SNX19: variants seen among roughly 807,000 people sequenced by gnomAD.
SNX19 encodes the protein sorting nexin 19.
In SNX19, 60 loss-of-function variants were observed where a neutral mutation model predicts 85.2. The ratio of observed to expected loss-of-function variants is 0.70; its 90% CI spans 0.57 to 0.87. The LOEUF (loss-of-function observed/expected upper bound fraction) is 0.87. SNX19 is among the 40% of genes least tolerant of loss of function. The pLI, the probability that SNX19 is intolerant of heterozygous loss-of-function variation, is 0.00. For missense variants in SNX19, 1,201 were observed against 1,217.8 expected (o/e 0.99, Z 0.21); for synonymous variants, 520 against 470.0 (o/e 1.11, Z -1.38).
chr11:130,884,114 T>G (rs1272968122), intron 8 of SNX19, among the ~76,000 whole-genome samples: 1 of 152,196 alleles, frequency 6.6e-6, no homozygotes, highest in Non-Finnish European at 1.5e-5. Context: ...TCCTCTCCCT[T>G]TCATCCCTAC....
In SNX19 at chr11:130,915,824, A is replaced by C; in HGVS notation, c.116T>G (p.Leu39Arg). The change falls in exon 1 of 11, where the codon CTC becomes CGC. Residue 39 changes from leucine (L) to arginine (R), a missense_variant. Transcript: ENST00000265909. ...LMAVGVLLGW[L>R]LVIHLLVNVW... ...GTTGACCAGAAGGTGTATGACCAGG[A>C]GCCAGCCAAGCAAGACCCCCACAGC... The C allele has an allele frequency of 6.2e-7, 1 of 1,614,186 alleles. No homozygotes were observed. The highest frequency in any genetic ancestry group is 8.5e-7 in the Non-Finnish European group (1 of 1,180,036).
In SNX19 at chr11:130,875,282, T is replaced by C. The variant is rs1452702342; in HGVS notation, c.*3140A>G. Reference sequence around the variant, plus strand: ...GACAAACACTGCATGATTCCACTTATATGAGGCGTTCAAAGTAGTCAAACT... The same window carrying C: ...GACAAACACTGCATGATTCCACTTACATGAGGCGTTCAAAGTAGTCAAACT... On this transcript the variant is annotated 3_prime_UTR_variant, in exon 11 of 11. Coordinates refer to ENST00000265909, the MANE Select transcript of SNX19 (RefSeq NM_014758.3). 2.0e-5 allele frequency among the ~76,000 whole-genome samples: 3 copies of C among 152,206 alleles called. No individual in the cohort carries two copies. Among genetic ancestry groups the C allele is most frequent in the Non-Finnish European group, 4.4e-5 (3 of 68,038 alleles).
rs554205495 is a variant in SNX19, at chr11:130,875,436, C to G, written c.*2986G>C. On this transcript the variant is annotated 3_prime_UTR_variant, in exon 11 of 11. Coordinates refer to ENST00000265909, the MANE Select transcript of SNX19 (RefSeq NM_014758.3). Reference sequence around the variant, plus strand: ...ACTTGTAGCAGTCTGCTACAAAGCACTGTGCTGCTTCTAGTTAATAATGTA... The same window carrying G: ...ACTTGTAGCAGTCTGCTACAAAGCAGTGTGCTGCTTCTAGTTAATAATGTA... The G allele has an allele frequency of 1.3e-5, 2 of 152,304 alleles. No individual in the cohort carries two copies. The highest frequency in any genetic ancestry group is 3.9e-4 in the East Asian group (2 of 5,186). The allele number at this position is 152,304 out of a possible 1,614,324, so 9.4% of individuals were successfully genotyped here.
rs1942812413 is a variant in SNX19 at position 130,867,390 on chromosome 11, T to C, written c.*11032A>G. On this transcript the variant is annotated 3_prime_UTR_variant, in exon 11 of 11. Transcript: ENST00000265909. ...GGGACATGAACATAAAAGTGCAACC[T>C]AGATGATCAGTGCCACCACCATCCT... 1 of 152,174 alleles carries C rather than the reference T, an allele frequency of 6.6e-6. No individual in the cohort carries two copies. The highest frequency in any genetic ancestry group is 1.5e-5 in the Non-Finnish European group (1 of 68,040). The allele number at this position is 152,174 out of a possible 1,614,324, so 9.4% of individuals were successfully genotyped here.
Position 130,916,443 on chromosome 11 carries a change from G to A in SNX19, c.-504C>T, listed in dbSNP as rs1327065413. 6.6e-6 allele frequency: 1 copy of A among 152,632 alleles called. No individual in the cohort carries two copies. The highest frequency in any genetic ancestry group is 1.9e-4 in the East Asian group (1 of 5,194). 9.5% of individuals were successfully genotyped at this position (152,632 alleles called of 1,614,324 possible). ...GACTGCGCTCCGCAGCCGGGCCTGT[G>A]TGAAGGCTGACCGCCGGCCGGCCGC... On this transcript the variant is annotated 5_prime_UTR_variant, in exon 1 of 11. Transcript: ENST00000265909.
chr11:130,890,764 T>C (rs986970776), intron 8 of SNX19, among the ~76,000 whole-genome samples: 3 of 152,178 alleles, frequency 2.0e-5, no homozygotes, highest in Non-Finnish European at 4.4e-5. Context: ...CCTCTCATAA[T>C]TGATAAATCC....
chr11:130,909,000 T>A (rs756418029), intron 4 of SNX19, among the ~76,000 whole-genome samples: 1 of 152,148 alleles, frequency 6.6e-6, no homozygotes, highest in Non-Finnish European at 1.5e-5. Flanking sequence ...CAGTAAAGAC[T>A]GGGGGAGAAC....
rs1946509200 is a variant in SNX19 at position 130,915,568 on chromosome 11, C to A, written c.372G>T (p.Glu124Asp). 1 of 1,614,116 alleles carries A rather than the reference C, an allele frequency of 6.2e-7. No individual in the cohort carries two copies. The highest frequency in any genetic ancestry group is 1.7e-5 in the Admixed American group (1 of 60,014). ...CCTCCATTTCTTCCTCAAAGGCTGG[C>A]TCCTGGCTCACGGAACGGTACCAAG... ...VLSWYRSVSQEPAFEEEMEAA... is the reference protein window; with the variant it reads ...VLSWYRSVSQDPAFEEEMEAA... Residue 124 changes from glutamate to aspartate, a missense_variant, in exon 1 of 11, where the codon GAG becomes GAT. By Grantham distance (45) the Glu-to-Asp change is conservative. This residue lies in a region of SNX19 where 791 missense variants were observed against 750.9 expected (regional missense o/e 1.05). Transcript: ENST00000265909.
At chr11:130,900,976 C>T (rs1307477245) in intron 8 of SNX19, among the ~76,000 whole-genome samples, 4 of 152,126 alleles carry the variant, frequency 2.6e-5, no homozygotes, top group Non-Finnish European at 4.4e-5. Context: ...TATGTCCAGG[C>T]CCTGTATAAG....
rs1457860661 is a variant in SNX19 at position 130,873,587 on chromosome 11, T to TG, written c.*4834dup. Among the ~76,000 whole-genome samples the TG allele has an allele frequency of 1.3e-5, 2 of 151,444 alleles. No individual in the cohort carries two copies. The highest frequency in any genetic ancestry group is 4.8e-5 in the African/African-American group (2 of 41,242). On this transcript the variant is annotated 3_prime_UTR_variant, in exon 11 of 11. Transcript: ENST00000265909. ...TGCCTCATGTTCCCCACCTAGAAAA[T>TG]GGGGATATATTAGATTGGTGCAAAA...
intron 4 of SNX19, chr11:130,908,354 TA>T (rs1945836265): frequency 3.8e-6 from 1 of 264,496 alleles, no homozygotes; most frequent in South Asian, 1.2e-4. Flanking sequence ...GTGAGAGAAA[TA>T]AAAACCTGAG....
rs1482078389 is a variant in SNX19, at chr11:130,876,653, CTCA to C, written c.*1766_*1768del. 1.3e-5 allele frequency: 2 copies of C among 152,640 alleles called. No individual in the cohort carries two copies. Among genetic ancestry groups the C allele is most frequent in the East Asian group, 1.9e-4 (1 of 5,180 alleles). 9.5% of individuals were successfully genotyped at this position (152,640 alleles called of 1,614,324 possible). ...CATAAAACAAGGCTGTCCCCCTATG[CTCA>C]TCGAGAATAGGATCTTAGCCCTCAC... On this transcript the variant is annotated 3_prime_UTR_variant, in exon 11 of 11. Coordinates refer to ENST00000265909, the MANE Select transcript of SNX19 (RefSeq NM_014758.3).
chr11:130,914,407 G>A lies in SNX19; in HGVS notation c.1533C>T (p.Leu511=), dbSNP rs771597578. Residue 511 remains leucine, a synonymous_variant, in exon 1 of 11, where the codon CTC becomes CTT. Transcript: ENST00000265909. ...GCTCAAAGCTGAAGGTGGCTGAGCTGAGAGGACCAGGTGGAGAGGAGGAAA... is the reference window on the plus strand; with the variant it reads ...GCTCAAAGCTGAAGGTGGCTGAGCTAAGAGGACCAGGTGGAGAGGAGGAAA... ...VLLSSSPPGP[L]SSATFSFEPL... 6.8e-6 allele frequency: 11 copies of A among 1,613,840 alleles called. No individual in the cohort carries two copies. The Admixed American group carries it at 1.5e-4, about 22-fold the overall frequency.
intron 8 of SNX19, among the ~76,000 whole-genome samples, chr11:130,901,249 G>A (rs1945239269): frequency 1.3e-5 from 2 of 152,052 alleles, no homozygotes; most frequent in African/African-American, 2.4e-5. Flanking sequence ...GGACAAAAGT[G>A]TACCCCAGTT....
intron 5 of SNX19, 86 bp from the exon 6 acceptor site, chr11:130,906,807 C>T (rs1945711742): frequency 2.2e-6 from 2 of 928,418 alleles, no homozygotes; most frequent in South Asian, 2.7e-5. Context: ...GATAATAAAA[C>T]ACAACAAGAA....
chr11:130,886,691 C>T (rs539210478), intron 8 of SNX19, among the ~76,000 whole-genome samples: 2 of 152,098 alleles, frequency 1.3e-5, no homozygotes, highest in Non-Finnish European at 2.9e-5. Context: ...AGGACATTAT[C>T]CATTAAACAA....
intron 8 of SNX19, among the ~76,000 whole-genome samples, chr11:130,890,904 T>TTG (rs10684740): frequency 6.6e-6 from 1 of 151,368 alleles, no homozygotes; most frequent in Non-Finnish European, 1.5e-5. Flanking sequence ...TTTTTTTTTT[T>TTG]GTATTTTGAT....
chr11:130,909,742 TACA>T (rs925079897), intron 4 of SNX19, among the ~76,000 whole-genome samples: 4 of 152,100 alleles, frequency 2.6e-5, no homozygotes, highest in African/African-American at 9.7e-5. Context: ...CCTCCAACAG[TACA>T]ACAATATAAT....
intron 8 of SNX19, chr11:130,901,995 A>G (rs1945289137): frequency 6.6e-6 from 1 of 152,264 alleles, no homozygotes; most frequent in East Asian, 1.9e-4. Context: ...GGAAAAGCTT[A>G]AAGGGACAAA....
Sources: gnomAD v4.1 joint callset for allele counts (sites outside exome capture counted in the v4.1 genomes callset) on GRCh38, gnomAD v4.1.1 for gene constraint, gnomAD v4.1.1 regional missense constraint, MANE v1.5 for transcripts, NCBI Gene and HGNC (gene_info 2026-07-23, HGNC 2026-07-21) for gene names.